The following DIPK1A variants were observed in gnomAD, a reference collection of about 807,000 sequenced individuals.
DIPK1A encodes the protein divergent protein kinase domain 1A.
Under a neutral mutation model 40.8 loss-of-function variants are expected in DIPK1A, and 27 were observed. The ratio of observed to expected loss-of-function variants is 0.66; its 90% CI spans 0.49 to 0.91. The LOEUF (loss-of-function observed/expected upper bound fraction) is 0.91. Among genes scored for constraint, DIPK1A ranks in the 40% least tolerant of loss-of-function variants. The pLI, the probability that DIPK1A is intolerant of heterozygous loss-of-function variation, is 0.00. For synonymous variants in DIPK1A, 166 were observed against 171.3 expected, an observed-to-expected ratio of 0.97 and a Z score of 0.24; for missense variants, 412 against 505.7, an observed-to-expected ratio of 0.81 and a Z score of 1.78.
At chr1:92,944,695 C>A (rs1481196865) in intron 1 of DIPK1A, among the ~76,000 whole-genome samples, 1 of 152,148 alleles carries the variant, frequency 6.6e-6, no homozygotes, top group African/African-American at 2.4e-5. Flanking sequence ...TGCAGTGGTG[C>A]GATCTTGGCT....
intron 3 of DIPK1A, among the ~76,000 whole-genome samples, chr1:92,849,871 G>A (rs754714844): frequency 2.0e-5 from 3 of 152,070 alleles, no homozygotes; most frequent in Non-Finnish European, 2.9e-5. Context: ...GCTCAGGTAG[G>A]CCTCAAACTC....
intron 1 of DIPK1A, among the ~76,000 whole-genome samples, chr1:92,949,024 T>A (rs1374446705): frequency 6.6e-6 from 1 of 151,858 alleles, no homozygotes; most frequent in Admixed American, 6.6e-5. Flanking sequence ...CTGGCTGGTC[T>A]CGAACTCCTG....
At chr1:92,923,338 C>T (rs1001070485) in intron 1 of DIPK1A, among the ~76,000 whole-genome samples, 3 of 152,038 alleles carry the variant, frequency 2.0e-5, no homozygotes, top group Admixed American at 1.3e-4. Flanking sequence ...GGGATTTCAC[C>T]ATATTGGCCA....
At chr1:92,887,162 A>C (rs950461032) in intron 1 of DIPK1A, among the ~76,000 whole-genome samples, 1 of 151,420 alleles carries the variant, frequency 6.6e-6, no homozygotes, top group African/African-American at 2.4e-5. Context: ...TCACACCTGT[A>C]ATTCCAGCAC....
chr1:92,845,124 T>G (rs948549359), intron 4 of DIPK1A, among the ~76,000 whole-genome samples: 6 of 151,514 alleles, frequency 4.0e-5, no homozygotes, highest in African/African-American at 1.4e-4. Context: ...TTTTTTTGTA[T>G]TTTTAGTAGA....
chr1:92,857,411 T>A (rs955325503), intron 2 of DIPK1A, among the ~76,000 whole-genome samples: 2 of 148,964 alleles, frequency 1.3e-5, no homozygotes, highest in African/African-American at 4.9e-5. Context: ...AAACTCCACC[T>A]CCCCAGTTCA....
At chr1:92,846,817 A>ATGTGTGTATG in intron 4 of DIPK1A, among the ~76,000 whole-genome samples, 1 of 5,714 alleles carries the variant, frequency 1.8e-4, no homozygotes, top group East Asian at 0.016. Context: ...ATATATATAT[A>ATGTGTGTATG]TATATATATA....
rs71230876 is a variant in DIPK1A at position 92,861,321 on chromosome 1, C to CTTTTTTT, written c.190-10373_190-10367dup. On this transcript the variant is annotated intron_variant, in intron 2 of 4. Coordinates refer to ENST00000370310, the MANE Select transcript of DIPK1A (RefSeq NM_001006605.5). ...AATAGCTTTTCTATTCTCTCTCTCT[C>CTTTTTTT]TTTTTTTTTTTTTTTTTTTTTTTGA... 9.8e-4 allele frequency among the ~76,000 whole-genome samples: 82 copies of CTTTTTTT among 83,534 alleles called. 2 individuals carry two copies. Among genetic ancestry groups the CTTTTTTT allele is most frequent in the Admixed American group, 1.8e-3 (9 of 5,096 alleles). 54.8% of individuals were successfully genotyped at this position (83,534 alleles called of 152,430 possible).
chr1:92,885,300 T>C (rs962636529), intron 1 of DIPK1A, among the ~76,000 whole-genome samples: 2 of 152,146 alleles, frequency 1.3e-5, no homozygotes, highest in African/African-American at 2.4e-5. Context: ...CTGACATAGA[T>C]TTCCAGGAGT....
intron 4 of DIPK1A, chr1:92,836,162 C>T: frequency 6.3e-7 from 1 of 1,593,030 alleles, no homozygotes; most frequent in Non-Finnish European, 8.6e-7. Flanking sequence ...ATAATTGAAA[C>T]CAGCATTTAC....
intron 1 of DIPK1A, among the ~76,000 whole-genome samples, chr1:92,960,742 C>T (rs559216322): frequency 5.4e-4 from 82 of 152,338 alleles, no homozygotes; most frequent in Non-Finnish European, 1.1e-3. Flanking sequence ...CACCCATCCG[C>T]CTGGTTCAGG....
intron 1 of DIPK1A, among the ~76,000 whole-genome samples, chr1:92,915,673 G>A (rs1166605114): frequency 6.6e-6 from 1 of 152,136 alleles, no homozygotes; most frequent in African/African-American, 2.4e-5. Flanking sequence ...TGCTAGTTGG[G>A]ATGTAAAATA....
chr1:92,913,684 C>T (rs1649933336), intron 1 of DIPK1A, among the ~76,000 whole-genome samples: 2 of 152,174 alleles, frequency 1.3e-5, no homozygotes, highest in Non-Finnish European at 2.9e-5. Context: ...GTATATGATA[C>T]GTTATGTGCC....
intron 1 of DIPK1A, among the ~76,000 whole-genome samples, chr1:92,923,300 G>C (rs775390690): frequency 5.9e-5 from 9 of 151,938 alleles, no homozygotes; most frequent in East Asian, 1.9e-4. Flanking sequence ...CACCACGCCT[G>C]GGTAATTTTT....
intron 1 of DIPK1A, among the ~76,000 whole-genome samples, chr1:92,917,673 G>A (rs538985967): frequency 6.6e-6 from 1 of 152,298 alleles, no homozygotes; most frequent in African/African-American, 2.4e-5. Context: ...CTCTAGGAAG[G>A]TATGCATAGA....
At chr1:92,849,819 C>A (rs1357139622) in intron 3 of DIPK1A, among the ~76,000 whole-genome samples, 2 of 151,620 alleles carry the variant, frequency 1.3e-5, no homozygotes, top group Non-Finnish European at 2.9e-5. Flanking sequence ...GGCCACCCAG[C>A]TAATTTTTGT....
intron 1 of DIPK1A, among the ~76,000 whole-genome samples, chr1:92,942,789 G>C (rs532513648): frequency 5.3e-5 from 8 of 152,142 alleles, no homozygotes; most frequent in Admixed American, 4.6e-4. Context: ...TCAGACTCCC[G>C]AGTAGCTGGG....
intron 2 of DIPK1A, among the ~76,000 whole-genome samples, chr1:92,872,849 C>T (rs1471853259): frequency 1.3e-5 from 2 of 152,142 alleles, no homozygotes; most frequent in African/African-American, 4.8e-5. Context: ...TGTGAGACTG[C>T]CAAAGAGTCT....
chr1:92,952,077 A>C (rs986887106), intron 1 of DIPK1A, among the ~76,000 whole-genome samples: 2 of 151,400 alleles, frequency 1.3e-5, no homozygotes, highest in African/African-American at 4.9e-5. Flanking sequence ...AAAAAAAAAA[A>C]AACACACACA....
Sources: gnomAD v4.1 joint callset for allele counts (sites outside exome capture counted in the v4.1 genomes callset) on GRCh38, gnomAD v4.1.1 for gene constraint, MANE v1.5 for transcripts, NCBI Gene and HGNC (gene_info 2026-07-23, HGNC 2026-07-21) for gene names.